The following ZNF365 variants were observed in gnomAD, a reference collection of about 807,000 sequenced individuals.
ZNF365 encodes the protein zinc finger protein 365, also known as protein ZNF365.
A neutral mutation model predicts 35.0 loss-of-function variants in ZNF365; 22 were observed. That is an observed-to-expected ratio of 0.63 (90% confidence interval 0.45 to 0.90). ZNF365 has a LOEUF of 0.90. Ranked by LOEUF, ZNF365 falls within the 40% of genes least tolerant of loss-of-function variation. The pLI, the probability that ZNF365 is intolerant of heterozygous loss-of-function variation, is 0.00. For missense variants in ZNF365, 448 were observed against 500.3 expected, an observed-to-expected ratio of 0.90 and a Z score of 1.00; for synonymous variants, 188 against 196.2, an observed-to-expected ratio of 0.96 and a Z score of 0.35.
chr10:62,452,467 G>A (rs951333132), intron 3 of ZNF365, among the ~76,000 whole-genome samples: 1 of 152,200 alleles, frequency 6.6e-6, no homozygotes, highest in Non-Finnish European at 1.5e-5. Flanking sequence ...AAGGTTGAAA[G>A]AATCTTGAAG....
chr10:62,443,032 A>T (rs1001479899), intron 3 of ZNF365, among the ~76,000 whole-genome samples: 3 of 152,188 alleles, frequency 2.0e-5, no homozygotes, highest in Non-Finnish European at 4.4e-5. Flanking sequence ...CAAGGGCTCA[A>T]CCGGGCTTTG....
At chr10:62,447,899 C>A (rs1840616546) in intron 3 of ZNF365, among the ~76,000 whole-genome samples, 1 of 152,196 alleles carries the variant, frequency 6.6e-6, no homozygotes. Flanking sequence ...GGGACCCAAG[C>A]TACTTAAAGT....
chr10:62,477,994 C>T (rs145897213), intron 4 of ZNF365, among the ~76,000 whole-genome samples: 1 of 152,304 alleles, frequency 6.6e-6, no homozygotes, highest in East Asian at 1.9e-4. Flanking sequence ...CTATTCACAT[C>T]CTCCTTTTCC....
intron 3 of ZNF365, among the ~76,000 whole-genome samples, chr10:62,454,631 G>GTT (rs143402544): frequency 2.9e-4 from 44 of 149,672 alleles, no homozygotes; most frequent in African/African-American, 9.7e-4. Context: ...TGTGCTTCAT[G>GTT]TTTTTTTTTC....
intron 3 of ZNF365, among the ~76,000 whole-genome samples, chr10:62,414,732 A>G (rs1191388557): frequency 3.9e-5 from 6 of 152,076 alleles, no homozygotes; most frequent in South Asian, 4.1e-4. Flanking sequence ...ATTTGTATTC[A>G]TAGTGCTTGT....
chr10:62,469,757 CTT>C (rs1269547690), intron 4 of ZNF365, among the ~76,000 whole-genome samples: 1 of 152,094 alleles, frequency 6.6e-6, no homozygotes, highest in African/African-American at 2.4e-5. Context: ...AACTATCTCA[CTT>C]AATATTTACA....
intron 4 of ZNF365, among the ~76,000 whole-genome samples, chr10:62,473,156 A>G (rs1841072061): frequency 6.6e-6 from 1 of 152,242 alleles, no homozygotes; most frequent in Non-Finnish European, 1.5e-5. Flanking sequence ...ATTCAGGCAG[A>G]TGGATGCATA....
At position 62,376,300 on chromosome 10, in the gene ZNF365, G is replaced by A. The variant is rs1839326388; in HGVS notation, c.107G>A (p.Arg36Lys). The A allele has an allele frequency of 1.2e-6, 2 of 1,614,028 alleles. No individual in the cohort carries two copies. The highest frequency in any genetic ancestry group is 1.7e-6 in the Non-Finnish European group (2 of 1,180,050). Residue 36 changes from arginine (R) to lysine (K), a missense_variant, in exon 2 of 5, where the codon AGA becomes AAA. Physicochemically the swap from Arg to Lys is conservative, Grantham distance 26. Transcript: ENST00000395254. Reference protein sequence around the residue: ...LRCPRCGDHTRFRSLSSLRAH... With the variant: ...LRCPRCGDHTKFRSLSSLRAH... ...TGCCCGAGGTGTGGAGACCATACCA[G>A]ATTTAGAAGCTTGTCATCCTTGAGG...
chr10:62,471,076 G>A (rs16917276), intron 4 of ZNF365, among the ~76,000 whole-genome samples: 5,572 of 151,976 alleles, frequency 0.037, 153 homozygotes, highest in East Asian at 0.17. Context: ...GGATCAAATA[G>A]GTAATCTAGG....
chr10:62,462,312 G>T (rs1483082969), intron 4 of ZNF365, among the ~76,000 whole-genome samples: 1 of 152,186 alleles, frequency 6.6e-6, no homozygotes, highest in African/African-American at 2.4e-5. Flanking sequence ...CCTTGCTTAA[G>T]GCAATAAAGG....
intron 3 of ZNF365, among the ~76,000 whole-genome samples, chr10:62,446,715 A>T (rs1452537388): frequency 1.3e-5 from 2 of 152,006 alleles, no homozygotes; most frequent in African/African-American, 4.8e-5. Context: ...TGTGTGGTTG[A>T]CTCTGTAGTT....
At chr10:62,420,223 A>G (rs1241511751) in intron 3 of ZNF365, among the ~76,000 whole-genome samples, 1 of 152,198 alleles carries the variant, frequency 6.6e-6, no homozygotes, top group Non-Finnish European at 1.5e-5. Context: ...TTGGATATCA[A>G]AGTTAGACTA....
chr10:62,478,740 A>AT (rs1841173246), intron 4 of ZNF365, among the ~76,000 whole-genome samples: 2 of 151,926 alleles, frequency 1.3e-5, no homozygotes, highest in Admixed American at 1.3e-4. Context: ...CACCCGGCTA[A>AT]TTTTTTTGTA....
chr10:62,407,181 CA>C (rs1404526449), downstream of ZNF365, among the ~76,000 whole-genome samples: 2 of 152,070 alleles, frequency 1.3e-5, no homozygotes, highest in Non-Finnish European at 2.9e-5. Context: ...AGGGGAGAAA[CA>C]AAAATAAACC....
Position 62,376,234 on chromosome 10 carries a change from A to G in ZNF365, c.41A>G (p.Gln14Arg). Residue 14 changes from glutamine (Q) to arginine (R), a missense_variant, in exon 2 of 5, where the codon CAG becomes CGG. Gln to Arg is a conservative substitution (Grantham distance 43, BLOSUM62 1). This residue lies in a region of ZNF365 where 76 missense variants were observed against 96.7 expected (regional missense o/e 0.79). Transcript: ENST00000395254. ...TTTGAGGAAAGCAGATATCCCTGGC[A>G]GGAGTCCTTTGAGAATGTTGCTGTG... is the stretch of plus-strand genomic sequence containing the variant. ...KAFEESRYPW[Q>R]ESFENVAVCL... The G allele has an allele frequency of 6.2e-7, 1 of 1,614,182 alleles. No homozygotes were observed. The highest frequency in any genetic ancestry group is 8.5e-7 in the Non-Finnish European group (1 of 1,180,032).
chr10:62,449,571 G>A (rs1840644840), intron 3 of ZNF365, among the ~76,000 whole-genome samples: 1 of 152,042 alleles, frequency 6.6e-6, no homozygotes, highest in African/African-American at 2.4e-5. Flanking sequence ...CTGTACCATT[G>A]GAACATTTTA....
At chr10:62,422,730 C>T (rs1428598405) in intron 3 of ZNF365, among the ~76,000 whole-genome samples, 1 of 152,126 alleles carries the variant, frequency 6.6e-6, no homozygotes, top group Non-Finnish European at 1.5e-5. Flanking sequence ...TGCCATACCA[C>T]CTAAGTAGCC....
chr10:62,380,990 G>T (rs538745398), intron 2 of ZNF365, among the ~76,000 whole-genome samples: 28 of 152,192 alleles, frequency 1.8e-4, no homozygotes, highest in Non-Finnish European at 2.6e-4. Context: ...TGAGGTGTGT[G>T]GGGGGGAACA....
At chr10:62,461,314 T>G (rs1840843574) in intron 4 of ZNF365, among the ~76,000 whole-genome samples, 1 of 152,222 alleles carries the variant, frequency 6.6e-6, no homozygotes, top group African/African-American at 2.4e-5. Flanking sequence ...CTGAGTCTCC[T>G]GTGATTTTTC....
Sources: gnomAD v4.1 joint callset for allele counts (sites outside exome capture counted in the v4.1 genomes callset) on GRCh38, gnomAD v4.1.1 for gene constraint, gnomAD v4.1.1 regional missense constraint, MANE v1.5 for transcripts, NCBI Gene and HGNC (gene_info 2026-07-23, HGNC 2026-07-21) for gene names.